Variants in HADHB observed in about 807,000 individuals in gnomAD.
HADHB encodes the protein trifunctional enzyme subunit beta, mitochondrial.
Under a neutral mutation model 61.9 loss-of-function variants are expected in HADHB, and 50 were observed. The observed-to-expected ratio is 0.81, with a 90% CI of 0.64 to 1.02. The LOEUF is 1.02. Ranked by LOEUF, HADHB falls within the 50% of genes least tolerant of loss-of-function variation. The probability of loss-of-function intolerance (pLI) is 0.00; values close to 1 mark genes in which losing one functional copy is unlikely to be tolerated. For missense variants in HADHB, 504 were observed against 586.5 expected (o/e 0.86, Z 1.45); for synonymous variants, 191 against 201.6 (o/e 0.95, Z 0.45).
intron 7 of HADHB, among the ~76,000 whole-genome samples, chr2:26,278,067 C>T (rs1031060690): frequency 4.6e-5 from 7 of 152,204 alleles, no homozygotes; most frequent in African/African-American, 1.4e-4. Flanking sequence ...CATCTAGTAA[C>T]ATCAAGGCCC....
intron 5 of HADHB, among the ~76,000 whole-genome samples, chr2:26,271,882 C>G (rs947693746): frequency 6.6e-6 from 1 of 152,022 alleles, no homozygotes; most frequent in African/African-American, 2.4e-5. Context: ...GCAGGGCAAT[C>G]GAGCAAGACT....
chr2:26,280,034 C>T lies in HADHB; in HGVS notation c.852C>T (p.Ser284=). 1 of 1,609,652 alleles carries T rather than the reference C, an allele frequency of 6.2e-7. No homozygotes were observed. Among genetic ancestry groups the T allele is most frequent in the East Asian group, 2.2e-5 (1 of 44,856 alleles). ...CCAAAGATAATGGCATCCGTCCTTC[C>T]TCACTGGAGCAGATGGCCAAACTAA... ...TVTKDNGIRP[S]SLEQMAKLKP... Residue 284 remains serine, a synonymous_variant, in exon 10 of 16, where the codon TCC becomes TCT. Coordinates refer to ENST00000317799, the MANE Select transcript of HADHB (RefSeq NM_000183.3).
In HADHB at chr2:26,269,962, C is replaced by A. The variant is rs978388005; in HGVS notation, c.219C>A (p.Asp73Glu). ...GGTTTTCGTTCCCCAGATATAAAGACCTGATGCCACATGATTTGGCTAGAG... is the reference window on the plus strand; with the variant it reads ...GGTTTTCGTTCCCCAGATATAAAGAACTGATGCCACATGATTTGGCTAGAG... ...PFLLSGTSYK[D>E]LMPHDLARAA... Residue 73 changes from aspartate to glutamate, a missense_variant, in exon 5 of 16, where the codon GAC becomes GAA. By Grantham distance (45) the Asp-to-Glu change is conservative. Transcript: ENST00000317799. The A allele has an allele frequency of 6.2e-7, 1 of 1,607,064 alleles. No individual in the cohort carries two copies. Among genetic ancestry groups the A allele is most frequent in the Admixed American group, 1.7e-5 (1 of 60,014 alleles).
chr2:26,261,333 T>C, intron 3 of HADHB: 1 of 342,904 alleles, frequency 2.9e-6, no homozygotes, highest in Non-Finnish European at 5.4e-6. Flanking sequence ...AATACATCTC[T>C]GCTTTCCTTC....
intron 3 of HADHB, among the ~76,000 whole-genome samples, chr2:26,256,689 A>G (rs2147803195): frequency 6.6e-6 from 1 of 152,328 alleles, no homozygotes; most frequent in East Asian, 1.9e-4. Context: ...CTTTGAGGTC[A>G]TCTAGTTCAG....
At chr2:26,273,506 G>A in intron 5 of HADHB, 145 bp from the exon 6 acceptor site, 1 of 663,484 alleles carries the variant, frequency 1.5e-6, no homozygotes, top group Non-Finnish European at 2.8e-6. Flanking sequence ...GGTGCCAAAT[G>A]CTTGTCAAAT....
chr2:26,265,362 A>G (rs930687021), intron 4 of HADHB, among the ~76,000 whole-genome samples: 1 of 152,072 alleles, frequency 6.6e-6, no homozygotes, highest in African/African-American at 2.4e-5. Flanking sequence ...TTGGGAGGCC[A>G]AGGCAGGTGG....
rs1673219121 is a variant in HADHB at position 26,290,334 on chromosome 2, T to C, written c.*381T>C. On this transcript the variant is annotated 3_prime_UTR_variant, in exon 16 of 16. Coordinates refer to ENST00000317799, the MANE Select transcript of HADHB (RefSeq NM_000183.3). ...CTGTGTCCTAAAGATGTGTTCTCTA[T>C]AAAATACAAACCAACGTGCCTAATT... The C allele has an allele frequency of 4.3e-6, 1 of 232,694 alleles. No homozygotes were observed. Among genetic ancestry groups the C allele is most frequent in the Non-Finnish European group, 8.6e-6 (1 of 116,142 alleles). 14.4% of individuals were successfully genotyped at this position (232,694 alleles called of 1,614,324 possible). A position where few individuals can be genotyped will look rare whatever the true frequency, so the allele number is the denominator to read the frequency against.
At chr2:26,256,617 TA>T (rs1671623585) in intron 3 of HADHB, among the ~76,000 whole-genome samples, 1 of 152,144 alleles carries the variant, frequency 6.6e-6, no homozygotes, top group Admixed American at 6.6e-5. Flanking sequence ...TAATTGTTTT[TA>T]AAGAGTATAC....
chr2:26,255,684 C>T (rs1671580488), intron 3 of HADHB, among the ~76,000 whole-genome samples: 1 of 152,046 alleles, frequency 6.6e-6, no homozygotes, highest in Non-Finnish European at 1.5e-5. Context: ...TCTTGTCAGC[C>T]TCATATAGTT....
At chr2:26,279,073 C>G in intron 8 of HADHB, 62 bp from the exon 9 acceptor site, 2 of 1,290,488 alleles carry the variant, frequency 1.5e-6, no homozygotes, top group Non-Finnish European at 2.3e-6. Flanking sequence ...ACAGAACAAT[C>G]CTAGGTGTTA....
chr2:26,270,825 T>C (rs534606835), intron 5 of HADHB, among the ~76,000 whole-genome samples: 1 of 151,984 alleles, frequency 6.6e-6, no homozygotes, highest in Non-Finnish European at 1.5e-5. Context: ...TTCTTAGTAA[T>C]ATGCCTTTAT....
At chr2:26,275,606 C>G (rs1299865516) in intron 6 of HADHB, among the ~76,000 whole-genome samples, 1 of 152,202 alleles carries the variant, frequency 6.6e-6, no homozygotes, top group African/African-American at 2.4e-5. Context: ...TTGCAGAGCT[C>G]TTCCCTCCTG....
intron 4 of HADHB, among the ~76,000 whole-genome samples, chr2:26,267,867 C>G (rs753542493): frequency 6.6e-6 from 1 of 151,050 alleles, no homozygotes; most frequent in Non-Finnish European, 1.5e-5. Context: ...GGACTGTGTA[C>G]AGTGGTTCAC....
intron 1 of HADHB, among the ~76,000 whole-genome samples, chr2:26,249,149 T>A (rs1671286408): frequency 6.6e-6 from 1 of 152,220 alleles, no homozygotes; most frequent in South Asian, 2.1e-4. Context: ...TGTGAATGGC[T>A]TGTTTTCTCA....
intron 12 of HADHB, among the ~76,000 whole-genome samples, 164 bp downstream of exon 12, chr2:26,283,215 G>GT (rs1306580828): frequency 2.0e-5 from 3 of 152,018 alleles, no homozygotes; most frequent in Non-Finnish European, 4.4e-5. Flanking sequence ...TTATGTGGTG[G>GT]TTTTTTTAAA....
At chr2:26,246,943 G>C (rs1046012604) in intron 1 of HADHB, among the ~76,000 whole-genome samples, 2 of 152,122 alleles carry the variant, frequency 1.3e-5, no homozygotes, top group African/African-American at 4.8e-5. Context: ...TGTGCACGTG[G>C]GTGTGCGTGC....
At chr2:26,285,689 A>T (rs2147833196) in intron 15 of HADHB, 118 bp downstream of exon 15, 444 of 391,928 alleles carry the variant, frequency 1.1e-3, no homozygotes, top group East Asian at 5.3e-3. Flanking sequence ...GGGGGTGGGG[A>T]GTGGGGAGGG....
At chr2:26,255,510 AAAAAG>A (rs922958337) in intron 3 of HADHB, among the ~76,000 whole-genome samples, 4 of 151,780 alleles carry the variant, frequency 2.6e-5, no homozygotes, top group East Asian at 1.9e-4. Flanking sequence ...AAAAAAAAAA[AAAAAG>A]AAAGAAAGAA....
Sources: allele counts gnomAD v4.1 joint callset (sites outside exome capture counted in the v4.1 genomes callset), GRCh38; gene constraint gnomAD v4.1.1; transcripts MANE v1.5; gene names NCBI Gene and HGNC (gene_info 2026-07-23, HGNC 2026-07-21).